CCN6: variants seen among roughly 807,000 people sequenced by gnomAD.
CCN6 encodes CCN family member 6.
Under a neutral mutation model 37.4 loss-of-function variants are expected in CCN6, and 31 were observed. The ratio of observed to expected loss-of-function variants is 0.83; its 90% confidence interval spans 0.62 to 1.12. The LOEUF (loss-of-function observed/expected upper bound fraction) is 1.12, where lower values mean the gene tolerates loss of function less well. Among genes scored for constraint, CCN6 ranks in the 50% most tolerant of loss-of-function variants. The pLI is 0.00. For synonymous variants in CCN6, 137 were observed against 142.1 expected (o/e 0.96, Z 0.26); for missense variants, 369 against 413.8 (o/e 0.89, Z 0.94).
chr6:112,068,365 G>A lies in CCN6; in HGVS notation c.750G>A (p.Gln250=). Residue 250 remains glutamine, a synonymous_variant, in exon 4 of 5, where the codon CAG becomes CAA. Transcript: ENST00000368666. ...MRKEKRLCYI[Q]PCDSNILKTI... ...AAGAGAAAAGACTGTGTTACATTCA[G>A]CCTTGCGACAGCAATATATTAAAGA... 9.3e-6 allele frequency: 15 copies of A among 1,612,772 alleles called. No homozygotes were observed. Among genetic ancestry groups the A allele is most frequent in the Non-Finnish European group, 1.3e-5 (15 of 1,179,300 alleles).
chr6:112,061,022 TA>T lies in CCN6; in HGVS notation c.81del (p.Asp28IlefsTer38). 1 of 1,614,178 alleles carries T rather than the reference TA, an allele frequency of 6.2e-7. No homozygotes were observed. Among genetic ancestry groups the T allele is most frequent in the South Asian group, 1.1e-5 (1 of 91,082 alleles). ...FCCRVQGTGP[L>X]DTTPEGRPGE... ...TGCAGGGTACAGGGCACTGGACCAT[TA>T]GATACAACACCTGAAGGAAGGCCTG... On this transcript the variant is annotated frameshift_variant, in exon 2 of 5. Transcript: ENST00000368666. LOFTEE classifies it high-confidence loss of function.
Position 112,068,368 on chromosome 6 carries a change from T to C in CCN6, c.753T>C (p.Pro251=), listed in dbSNP as rs921889940. Residue 251 remains proline, a synonymous_variant, in exon 4 of 5, where the codon CCT becomes CCC. Transcript: ENST00000368666. The stretch of plus-strand genomic sequence containing the variant: ...AGAAAAGACTGTGTTACATTCAGCC[T>C]TGCGACAGCAATATATTAAAGACAA... ...RKEKRLCYIQ[P]CDSNILKTIK... 5 of 1,612,742 alleles carry C rather than the reference T, an allele frequency of 3.1e-6. No homozygotes were observed. The highest frequency in any genetic ancestry group is 4.2e-6 in the Non-Finnish European group (5 of 1,179,340).
intron 3 of CCN6, among the ~76,000 whole-genome samples, chr6:112,066,479 G>C (rs1776699177): frequency 6.6e-6 from 1 of 152,102 alleles, no homozygotes; most frequent in Non-Finnish European, 1.5e-5. Flanking sequence ...GGTTGGGAGA[G>C]GCATCAGATA....
In CCN6 at chr6:112,061,238, A is replaced by T; in HGVS notation, c.296A>T (p.Tyr99Phe). The T allele has an allele frequency of 6.2e-7, 1 of 1,614,198 alleles. No homozygotes were observed. The highest frequency in any genetic ancestry group is 1.1e-5 in the South Asian group (1 of 91,084). The change falls in exon 2 of 5, where the codon TAT becomes TTT. Residue 99 changes from tyrosine (Y) to phenylalanine (F), a missense_variant. Physicochemically the swap from Tyr to Phe is conservative, Grantham distance 22 (BLOSUM62 3). Coordinates refer to ENST00000368666, the MANE Select transcript of CCN6 (RefSeq NM_198239.2). Reference sequence around the variant, plus strand: ...CTCTGTGACCCACACAAAGGGCTGTATTGTGACTACTCAGTAGACAGGCCT... The same window carrying T: ...CTCTGTGACCCACACAAAGGGCTGTTTTGTGACTACTCAGTAGACAGGCCT... The part of the protein sequence containing the change: ...ADLCDPHKGL[Y>F]CDYSVDRPRY...
intron 2 of CCN6, among the ~76,000 whole-genome samples, chr6:112,062,184 G>A (rs587733596): frequency 1.3e-5 from 2 of 152,258 alleles, no homozygotes; most frequent in Non-Finnish European, 2.9e-5. Flanking sequence ...TTCTCTGTGT[G>A]TCTCAGTTAC....
chr6:112,061,072 C>T lies in CCN6; in HGVS notation c.130C>T (p.Arg44Cys), dbSNP rs137881483. 496 of 1,614,150 alleles carry T rather than the reference C, an allele frequency of 3.1e-4. 1 individual carries two copies. Among genetic ancestry groups the T allele is most frequent in the Admixed American group, 2.8e-3 (171 of 60,008 alleles). ...RPGEVSDAPQ[R>C]KQFCHWPCKC... ...TGGAGAAGTGTCAGATGCACCTCAG[C>T]GTAAACAGTTTTGTCACTGGCCCTG... is the stretch of plus-strand genomic sequence containing the variant. The change falls in exon 2 of 5, where the codon CGT (arginine) becomes TGT (cysteine). Residue 44 changes from arginine (R) to cysteine (C), a missense_variant. By Grantham distance (180) the Arg-to-Cys change is radical. Transcript: ENST00000368666.
intron 2 of CCN6, among the ~76,000 whole-genome samples, chr6:112,061,631 G>A (rs17073263): frequency 0.029 from 4,415 of 152,194 alleles, 212 homozygotes; most frequent in African/African-American, 0.1. Context: ...AAAACAATCC[G>A]AATTCGGCCT....
chr6:112,064,267 A>G (rs1278319825), intron 2 of CCN6, among the ~76,000 whole-genome samples: 1 of 152,224 alleles, frequency 6.6e-6, no homozygotes, highest in African/African-American at 2.4e-5. Context: ...GGAACAGCCT[A>G]TCCAGAAAGT....
Position 112,054,135 on chromosome 6 carries a change from G to T in CCN6, c.-223G>T, listed in dbSNP as rs1762394115. On this transcript the variant is annotated 5_prime_UTR_variant, in exon 1 of 5. Transcript: ENST00000368666. ...GACCTGTGACACGCTCACTGCGAAG[G>T]CAGGTTATTAGAAGAGTCCCATGAA... The T allele has an allele frequency of 2.7e-6, 2 of 733,654 alleles. No homozygotes were observed. Among genetic ancestry groups the T allele is most frequent in the Non-Finnish European group, 5.0e-6 (2 of 401,216 alleles). 45.4% of individuals were successfully genotyped at this position (733,654 alleles called of 1,614,324 possible). A position where few individuals can be genotyped will look rare whatever the true frequency, so the allele number is the denominator to read the frequency against.
intron 2 of CCN6, 147 bp downstream of exon 2, chr6:112,061,435 T>C (rs1337396333): frequency 1.1e-6 from 1 of 943,312 alleles, no homozygotes; most frequent in Non-Finnish European, 1.7e-6. Context: ...CTGGCTCCAT[T>C]GTATTGGATA....
intron 3 of CCN6, among the ~76,000 whole-genome samples, chr6:112,065,600 A>ACGC: frequency 6.8e-6 from 1 of 147,326 alleles, no homozygotes; most frequent in South Asian, 2.1e-4. Flanking sequence ...ACACACACAC[A>ACGC]AACACACACG....
At chr6:112,064,621 C>A in intron 2 of CCN6, 134 bp from the exon 3 acceptor site, 1 of 1,408,152 alleles carries the variant, frequency 7.1e-7, no homozygotes, top group South Asian at 1.2e-5. Context: ...GAAGGAGGTT[C>A]CAAATGGAAC....
chr6:112,066,985 T>C (rs200896840), intron 3 of CCN6: 2 of 1,366,394 alleles, frequency 1.5e-6, no homozygotes, highest in Non-Finnish European at 9.8e-7. Flanking sequence ...GCCAAGCTTC[T>C]AATCTGCTTC....
chr6:112,065,564 ACACACACACACAAACACACACACG>A (rs1776654347), intron 3 of CCN6, among the ~76,000 whole-genome samples: 4 of 135,158 alleles, frequency 3.0e-5, no homozygotes, highest in South Asian at 4.4e-4. Context: ...CTCTCTGTAA[ACACACACACACAAACACACACACG>A]CACACACACA....
At chr6:112,067,396 C>T (rs587638538) in intron 3 of CCN6, among the ~76,000 whole-genome samples, 1 of 152,178 alleles carries the variant, frequency 6.6e-6, no homozygotes, top group African/African-American at 2.4e-5. Flanking sequence ...TCCCAGTGAC[C>T]TTACATGGAA....
intron 4 of CCN6, among the ~76,000 whole-genome samples, 199 bp downstream of exon 4, chr6:112,068,597 G>T (rs1488501509): frequency 6.6e-6 from 1 of 152,056 alleles, no homozygotes; most frequent in Non-Finnish European, 1.5e-5. Context: ...AACCAGAGCA[G>T]ATTCTAACTT....
At chr6:112,058,069 A>T (rs916895332) in intron 1 of CCN6, among the ~76,000 whole-genome samples, 1 of 152,066 alleles carries the variant, frequency 6.6e-6, no homozygotes, top group Non-Finnish European at 1.5e-5. Context: ...TGGAGGCAAA[A>T]TTTTTTTAAG....
chr6:112,064,577 C>T (rs1392035290), intron 2 of CCN6, among the ~76,000 whole-genome samples, 178 bp from the exon 3 acceptor site: 3 of 152,106 alleles, frequency 2.0e-5, no homozygotes, highest in Non-Finnish European at 2.9e-5. Context: ...AATAAAAATG[C>T]CTCACTTTAG....
intron 3 of CCN6, chr6:112,067,108 G>GCTTT: frequency 1.2e-5 from 13 of 1,123,596 alleles, no homozygotes; most frequent in Non-Finnish European, 1.6e-5. Context: ...AACACTGAAA[G>GCTTT]CAGTGTCACA....
Sources: gnomAD v4.1 joint callset for allele counts (sites outside exome capture counted in the v4.1 genomes callset) on GRCh38, gnomAD v4.1.1 for gene constraint, MANE v1.5 for transcripts, NCBI Gene and HGNC (gene_info 2026-07-23, HGNC 2026-07-21) for gene names.